Variants in SLC12A4 observed in about 807,000 individuals in gnomAD.
The protein encoded by SLC12A4 is solute carrier family 12 member 4.
SLC12A4 carries 84 observed loss-of-function variants against 119.2 expected under a neutral mutation model. That is an observed-to-expected ratio of 0.70 (90% CI 0.59 to 0.85). The LOEUF (loss-of-function observed/expected upper bound fraction) is 0.85. Among genes scored for constraint, SLC12A4 ranks in the 40% least tolerant of loss-of-function variants. The pLI is 0.00. For missense variants in SLC12A4, 1,298 were observed against 1,476.3 expected (o/e 0.88, Z 1.98); for synonymous variants, 599 against 604.6 (o/e 0.99, Z 0.14).
At position 67,949,771 on chromosome 16, in the gene SLC12A4, TC is replaced by T. The variant is rs779459851; in HGVS notation, c.1748+28del. 2.0e-6 allele frequency: 3 copies of T among 1,481,416 alleles called. No individual in the cohort carries two copies. Among genetic ancestry groups the T allele is most frequent in the Admixed American group, 1.9e-5 (1 of 52,182 alleles). 91.8% of individuals were successfully genotyped at this position (1,481,416 alleles called of 1,614,324 possible). A position where few individuals can be genotyped will look rare whatever the true frequency, so the allele number is the denominator to read the frequency against. ...CTGGGGTTCAGGAAGCCTTTCCCCA[TC>T]CCCCTGCCCTGCCCGGCCCCAGCTC... is the stretch of plus-strand genomic sequence containing the variant. On this transcript the variant is annotated intron_variant, in intron 13 of 23. Transcript: ENST00000316341. The surrounding 1 kb of genome is among the most constrained non-coding windows in gnomAD (Gnocchi z 4.6).
chr16:67,954,750 A>T lies in SLC12A4; in HGVS notation c.568T>A (p.Ser190Thr). 6.2e-7 allele frequency: 1 copy of T among 1,614,122 alleles called. No individual in the cohort carries two copies. The highest frequency in any genetic ancestry group is 8.5e-7 in the Non-Finnish European group (1 of 1,180,006). The change falls in exon 6 of 24, where the codon TCT becomes ACT. Residue 190 changes from serine (S) to threonine (T), a missense_variant. Ser to Thr is a moderately conservative substitution (Grantham distance 58). Coordinates refer to ENST00000316341, the MANE Select transcript of SLC12A4 (RefSeq NM_005072.5). ...CCAAATTCTGGCCCCAGTGAACGAG[A>T]GATCATGAAATAGGAGCCCCCAGCT... ...VPAGGSYFMI[S>T]RSLGPEFGGA...
At position 67,949,719 on chromosome 16, in the gene SLC12A4, A is replaced by C. The variant is rs1013123361; in HGVS notation, c.1748+81T>G. 2.1e-6 allele frequency: 2 copies of C among 965,650 alleles called. No homozygotes were observed. The highest frequency in any genetic ancestry group is 3.1e-6 in the Non-Finnish European group (2 of 636,670). 59.8% of individuals were successfully genotyped at this position (965,650 alleles called of 1,614,324 possible). A position where few individuals can be genotyped will look rare whatever the true frequency, so the allele number is the denominator to read the frequency against. ...TGCCACATCTCCCAGCTGGACCTCC[A>C]ACACCAGACGCAGCCACGGGGAGGT... On this transcript the variant is annotated intron_variant, in intron 13 of 23. Coordinates refer to ENST00000316341, the MANE Select transcript of SLC12A4 (RefSeq NM_005072.5). The surrounding 1 kb of genome is among the most constrained non-coding windows in gnomAD (Gnocchi z 4.6).
At chr16:67,968,211 G>T (rs1314576638) in intron 1 of SLC12A4, among the ~76,000 whole-genome samples, 1 of 152,092 alleles carries the variant, frequency 6.6e-6, no homozygotes, top group Non-Finnish European at 1.5e-5. Context: ...CACAGGGGAG[G>T]AGCTGGGGTG....
At chr16:67,966,651 TG>T in intron 1 of SLC12A4, 1 of 1,432,598 alleles carries the variant, frequency 7.0e-7, no homozygotes, top group Non-Finnish European at 9.5e-7. Context: ...AGCAGAGGTG[TG>T]GGCACTGAAC....
At chr16:67,952,711 T>TG (rs1567420116) in intron 6 of SLC12A4, among the ~76,000 whole-genome samples, 3 of 151,086 alleles carry the variant, frequency 2.0e-5, no homozygotes, top group Non-Finnish European at 4.4e-5. Context: ...ATCGCCTGAA[T>TG]CCAGGAAGCA....
intron 16 of SLC12A4, 105 bp downstream of exon 16, chr16:67,947,226 C>T: frequency 6.7e-7 from 1 of 1,482,052 alleles, no homozygotes. Context: ...CAGGAGGGTG[C>T]CCCGGGCAGC....
At position 67,952,433 on chromosome 16, in the gene SLC12A4, A is replaced by G. The variant is rs1249770497; in HGVS notation, c.676-8T>C. On this transcript the variant is annotated splice_polypyrimidine_tract_variant and splice_region_variant and intron_variant, in intron 6 of 23. Transcript: ENST00000316341. Reference sequence around the variant, plus strand: ...TGGTGGGGCAATGTAGGTCTGAAACAAGAAGATGGATAAGGAGGGTTTTAT... The same window carrying G: ...TGGTGGGGCAATGTAGGTCTGAAACGAGAAGATGGATAAGGAGGGTTTTAT... 1.2e-6 allele frequency: 2 copies of G among 1,613,308 alleles called. No individual in the cohort carries two copies.
rs61738598 is a variant in SLC12A4 at position 67,961,588 on chromosome 16, C to T, written c.329G>A (p.Arg110Gln). 12,076 of 1,613,558 alleles carry T rather than the reference C, an allele frequency of 7.5e-3. 248 individuals are homozygous for T. The highest frequency in any genetic ancestry group is 0.066 in the African/African-American group (4,932 of 75,056). Reference sequence around the variant, plus strand: ...CAACCAGCTCACCTCGGCTGCCCTCCGGCGGGTGCCCTCCCCACTCTCGGC... The same window carrying T: ...CAACCAGCTCACCTCGGCTGCCCTCTGGCGGGTGCCCTCCCCACTCTCGGC... Reference protein sequence around the residue: ...EEAESGEGTRRRAAEAPSMGT... With the variant: ...EEAESGEGTRQRAAEAPSMGT... The change falls in exon 3 of 24, where the codon CGG (arginine) becomes CAG (glutamine). Residue 110 changes from arginine (R) to glutamine (Q), a missense_variant. Transcript: ENST00000316341.
rs910232842 is a variant in SLC12A4 at position 67,950,131 on chromosome 16, G to A, written c.1629+188C>T. The A allele has an allele frequency of 4.2e-6, 3 of 722,816 alleles. No homozygotes were observed. The highest frequency in any genetic ancestry group is 6.7e-6 in the Non-Finnish European group (3 of 445,374). The allele number at this position is 722,816 out of a possible 1,614,324, so 44.8% of individuals were successfully genotyped here. A position where few individuals can be genotyped will look rare whatever the true frequency, so the allele number is the denominator to read the frequency against. Reference sequence around the variant, plus strand: ...CCTAAACAGGCCATGAAGATTCTGGGTCCAGGCAGCTCCAGGCCCAGGTGA... The same window carrying A: ...CCTAAACAGGCCATGAAGATTCTGGATCCAGGCAGCTCCAGGCCCAGGTGA... On this transcript the variant is annotated intron_variant, in intron 12 of 23. Transcript: ENST00000316341. This position sits in a 1 kb window ranked among gnomAD's most constrained non-coding sequence, Gnocchi z 4.3.
At position 67,946,465 on chromosome 16, in the gene SLC12A4, C is replaced by T. The variant is rs2058351231; in HGVS notation, c.2410G>A (p.Asp804Asn). 1.2e-6 allele frequency: 2 copies of T among 1,606,652 alleles called. No homozygotes were observed. Among genetic ancestry groups the T allele is most frequent in the Non-Finnish European group, 1.7e-6 (2 of 1,179,934 alleles). ...GWPYGWRQSE[D>N]PRAWKTFIDT... ...ATGAAGGTCTTCCAGGCACGGGGGT[C>T]CTCGCTCTGTCGCCAGCCGTAGGGC... The change falls in exon 18 of 24, where the codon GAC becomes AAC. Residue 804 changes from aspartate (D) to asparagine (N), a missense_variant. Physicochemically the swap from Asp to Asn is conservative, Grantham distance 23 (BLOSUM62 1). Coordinates refer to ENST00000316341, the MANE Select transcript of SLC12A4 (RefSeq NM_005072.5).
At chr16:67,947,568 C>T in intron 15 of SLC12A4, 101 bp downstream of exon 15, 1 of 1,510,912 alleles carries the variant, frequency 6.6e-7, no homozygotes, top group East Asian at 2.4e-5. Context: ...GTCCTGGCAC[C>T]CACGGTGGCC....
rs1466231933 is a variant in SLC12A4 at position 67,946,630 on chromosome 16, T to A, written c.2245A>T (p.Ile749Phe). 6.2e-7 allele frequency: 1 copy of A among 1,611,724 alleles called. No homozygotes were observed. The part of the protein sequence containing the change: ...YGEAQAAEQT[I>F]KNMMEIEKVK... ...TTCTCAATTTCCATCATGTTCTTGA[T>A]GGTCTGTGGGGAACACACCCAGGGC... is the stretch of plus-strand genomic sequence containing the variant. The change falls in exon 18 of 24, where the codon ATC becomes TTC. Residue 749 changes from isoleucine to phenylalanine, a missense_variant. Ile to Phe is a conservative substitution (Grantham distance 21, BLOSUM62 0). Transcript: ENST00000316341.
chr16:67,945,747 C>T lies in SLC12A4; in HGVS notation c.2847+17G>A. ...ACCCTGCCACCCGCCCTGGCGTGAA[C>T]CACAAAGGGCACTGACTTCTCGCTC... On this transcript the variant is annotated intron_variant, in intron 21 of 23. Coordinates refer to ENST00000316341, the MANE Select transcript of SLC12A4 (RefSeq NM_005072.5). 1.9e-6 allele frequency: 3 copies of T among 1,609,944 alleles called. No individual in the cohort carries two copies. Among genetic ancestry groups the T allele is most frequent in the Non-Finnish European group, 2.5e-6 (3 of 1,177,888 alleles).
chr16:67,964,542 C>A (rs1238904562), intron 1 of SLC12A4, among the ~76,000 whole-genome samples: 6 of 152,144 alleles, frequency 3.9e-5, no homozygotes, highest in African/African-American at 1.4e-4. Flanking sequence ...GTTCCCTCCA[C>A]CCCAGCTACC....
rs1266347078 is a variant in SLC12A4 at position 67,949,176 on chromosome 16, A to G, written c.1748+624T>C. On this transcript the variant is annotated intron_variant, in intron 13 of 23. Transcript: ENST00000316341. The surrounding 1 kb of genome is among the most constrained non-coding windows in gnomAD (Gnocchi z 4.6). ...GACTTTGAAAATGGATGGGTTGGGC[A>G]TGGTGGCTCACGCCTGTAATCCCAG... is the stretch of plus-strand genomic sequence containing the variant. 6.6e-6 allele frequency among the ~76,000 whole-genome samples: 1 copy of G among 152,196 alleles called. No homozygotes were observed. The highest frequency in any genetic ancestry group is 2.4e-5 in the African/African-American group (1 of 41,446).
rs752186510 is a variant in SLC12A4 at position 67,946,383 on chromosome 16, C to T, written c.2438-43G>A. The T allele has an allele frequency of 1.1e-5, 17 of 1,603,274 alleles. No individual in the cohort carries two copies. In the Admixed American group the frequency reaches 1.7e-4, roughly 16 times the overall value. ...GGCTGACCACCAGTCTGTGGCCCTC[C>T]GCCCACTGCCACCTCACTTCACCCC... On this transcript the variant is annotated intron_variant, in intron 18 of 23. Transcript: ENST00000316341.
rs781283482 is a variant in SLC12A4, at chr16:67,948,183, G to A, written c.1749-24C>T. ...ACCTGCGGCACAGAGGGCGGTTGGC[G>A]AAGAGCAGCCTCCTCGGCAGCTGGG... is the stretch of plus-strand genomic sequence containing the variant. On this transcript the variant is annotated intron_variant, in intron 13 of 23. Transcript: ENST00000316341. 12 of 1,609,816 alleles carry A rather than the reference G, an allele frequency of 7.5e-6. No homozygotes were observed. In the East Asian group the frequency reaches 8.9e-5, roughly 12 times the overall value.
intron 1 of SLC12A4, among the ~76,000 whole-genome samples, chr16:67,968,062 G>A (rs549496521): frequency 8.5e-4 from 130 of 152,264 alleles, no homozygotes; most frequent in Non-Finnish European, 1.5e-3. Flanking sequence ...AGGAACCGAG[G>A]CGAGAAAAGG....
In SLC12A4 at chr16:67,947,548, A is replaced by G. The variant is rs139013943; in HGVS notation, c.1968-113T>C. On this transcript the variant is annotated intron_variant, in intron 15 of 23. Transcript: ENST00000316341. ...CAAGACCACCCAGGGGTCCTGAGTTACAGTCCCCAGTCCTGGCACCCACGG... is the reference window on the plus strand; with the variant it reads ...CAAGACCACCCAGGGGTCCTGAGTTGCAGTCCCCAGTCCTGGCACCCACGG... 881 of 1,491,360 alleles carry G rather than the reference A, an allele frequency of 5.9e-4. 4 individuals carry two copies. In the African/African-American group the frequency reaches 0.011, roughly 18 times the overall value. The allele number at this position is 1,491,360 out of a possible 1,614,324, so 92.4% of individuals were successfully genotyped here. A position where few individuals can be genotyped will look rare whatever the true frequency, so the allele number is the denominator to read the frequency against.
Sources: gnomAD v4.1 joint callset for allele counts (sites outside exome capture counted in the v4.1 genomes callset) on GRCh38, gnomAD v4.1.1 for gene constraint, Gnocchi (gnomAD v3.1) non-coding constraint, MANE v1.5 for transcripts, NCBI Gene and HGNC (gene_info 2026-07-23, HGNC 2026-07-21) for gene names.